Variants in NFIB observed in about 807,000 individuals in gnomAD.
NFIB encodes nuclear factor 1 B-type.
Under a neutral mutation model 61.5 loss-of-function variants are expected in NFIB, and 11 were observed. The ratio of observed to expected loss-of-function variants is 0.18; its 90% CI spans 0.11 to 0.30. The LOEUF is 0.30. Among genes scored for constraint, NFIB ranks in the 10% least tolerant of loss-of-function variants. The probability of loss-of-function intolerance (pLI) is 1.00; values close to 1 mark genes in which losing one functional copy is unlikely to be tolerated. For missense variants in NFIB, 471 were observed against 608.9 expected, an observed-to-expected ratio of 0.77 and a Z score of 2.38; for synonymous variants, 260 against 216.5, an observed-to-expected ratio of 1.20 and a Z score of -1.76.
At chr9:14,306,435 C>T (rs187587733) in intron 2 of NFIB, among the ~76,000 whole-genome samples, 70 of 152,186 alleles carry the variant, frequency 4.6e-4, no homozygotes, top group African/African-American at 1.6e-3. Context: ...AAATCTAGGT[C>T]TACGTAAGAT....
intron 2 of NFIB, among the ~76,000 whole-genome samples, chr9:14,291,789 TCTGA>T (rs1004172845): frequency 8.7e-5 from 13 of 149,760 alleles, no homozygotes; most frequent in Admixed American, 4.0e-4. Context: ...TCTTTAAAAA[TCTGA>T]CTTTCAGTTA....
chr9:14,397,638 G>A (rs185199470), intron 1 of NFIB, among the ~76,000 whole-genome samples: 129 of 152,250 alleles, frequency 8.5e-4, no homozygotes, highest in African/African-American at 3.0e-3. Flanking sequence ...ACCATATGAA[G>A]TCATGCTTAT....
chr9:14,116,225 A>G lies in NFIB; in HGVS notation c.1367T>C (p.Ile456Thr). Residue 456 changes from isoleucine to threonine, a missense_variant, in exon 9 of 11, where the codon ATC becomes ACC. This residue lies in a region of NFIB where 372 missense variants were observed against 395.6 expected (regional missense o/e 0.94). Transcript: ENST00000380953. ...VTLSMTDTKP[I>T]TTSTEAYTAS... ...TGCCTCACCTTCAGTGGATGTAGTG[A>G]TGGGTTTAGTATCTGTCATGCTCAG... 6.6e-7 allele frequency: 1 copy of G among 1,519,606 alleles called. No individual in the cohort carries two copies. The highest frequency in any genetic ancestry group is 1.4e-5 in the African/African-American group (1 of 72,180). The allele number at this position is 1,519,606 out of a possible 1,614,324, so 94.1% of individuals were successfully genotyped here.
chr9:14,272,092 T>C (rs1476301613), intron 2 of NFIB, among the ~76,000 whole-genome samples: 2 of 152,174 alleles, frequency 1.3e-5, no homozygotes, highest in African/African-American at 2.4e-5. Context: ...TGTAACAGTA[T>C]ATCTCGTGAT....
rs528112866 is a variant in NFIB, at chr9:14,129,425, C to A, written c.926-3659G>T. Reference sequence around the variant, plus strand: ...AAGACAAAAAAACAAAAAAAAAACACCCTCTCTAGACTAGAAGGGGAAATA... The same window carrying A: ...AAGACAAAAAAACAAAAAAAAAACAACCTCTCTAGACTAGAAGGGGAAATA... On this transcript the variant is annotated intron_variant, in intron 6 of 10. Transcript: ENST00000380953. Among the ~76,000 whole-genome samples, 13 of 149,224 alleles carry A rather than the reference C, an allele frequency of 8.7e-5. No individual in the cohort carries two copies. The East Asian group carries it at 1.8e-3, about 20-fold the overall frequency.
chr9:14,505,047 C>G, the NFIB span, among the ~76,000 whole-genome samples: 1 of 152,140 alleles, frequency 6.6e-6, no homozygotes, highest in Non-Finnish European at 1.5e-5. Context: ...TAAAGGGACG[C>G]TGGATTATCT....
At chr9:14,321,974 T>G (rs2060671816) in intron 1 of NFIB, 1 of 1,230,846 alleles carries the variant, frequency 8.1e-7, no homozygotes, top group Non-Finnish European at 1.0e-6. Context: ...AAAAGAGATC[T>G]TGAGTCTGTA....
At chr9:14,113,107 G>T in intron 9 of NFIB, 26 bp from the exon 10 acceptor site, 1 of 1,542,230 alleles carries the variant, frequency 6.5e-7, no homozygotes. Flanking sequence ...CAAAAACAAA[G>T]ATAAAAATTG....
At chr9:14,521,662 G>T in the NFIB span, among the ~76,000 whole-genome samples, 2 of 152,132 alleles carry the variant, frequency 1.3e-5, no homozygotes, top group Non-Finnish European at 2.9e-5. Flanking sequence ...CATGCAATTT[G>T]TTCAGTTAAT....
intron 2 of NFIB, among the ~76,000 whole-genome samples, chr9:14,183,622 C>A (rs2047040390): frequency 6.6e-6 from 1 of 152,106 alleles, no homozygotes; most frequent in South Asian, 2.1e-4. Context: ...TCAGGCTGGT[C>A]TTGAACTCCT....
At chr9:14,108,730 A>G (rs1305064593) in intron 10 of NFIB, among the ~76,000 whole-genome samples, 1 of 152,052 alleles carries the variant, frequency 6.6e-6, no homozygotes, top group Non-Finnish European at 1.5e-5. Flanking sequence ...GGAGATTATA[A>G]TTTTGAGATT....
chr9:14,290,333 T>A (rs924521195), intron 2 of NFIB, among the ~76,000 whole-genome samples: 1 of 152,064 alleles, frequency 6.6e-6, no homozygotes, highest in Non-Finnish European at 1.5e-5. Context: ...GGCATAGCAT[T>A]GCCCTTAACT....
intron 2 of NFIB, among the ~76,000 whole-genome samples, chr9:14,241,138 G>A (rs965736383): frequency 6.6e-6 from 1 of 152,144 alleles, no homozygotes; most frequent in South Asian, 2.1e-4. Flanking sequence ...AAATGTATTC[G>A]GCAATTACCT....
At chr9:14,505,258 G>C in the NFIB span, among the ~76,000 whole-genome samples, 1 of 152,146 alleles carries the variant, frequency 6.6e-6, no homozygotes. Flanking sequence ...TGGTCAGCTA[G>C]TATATTGTTG....
chr9:14,530,979 T>C, the NFIB span, among the ~76,000 whole-genome samples: 4 of 152,218 alleles, frequency 2.6e-5, no homozygotes, highest in Non-Finnish European at 5.9e-5. Flanking sequence ...ACGAATTTAA[T>C]AGTCATATGA....
the NFIB span, among the ~76,000 whole-genome samples, chr9:14,457,232 G>C: frequency 6.6e-6 from 1 of 152,144 alleles, no homozygotes; most frequent in Non-Finnish European, 1.5e-5. Context: ...CCAGGGAACA[G>C]GGTGGAAGTT....
At chr9:14,156,575 C>T (rs546731356) in intron 3 of NFIB, among the ~76,000 whole-genome samples, 2 of 152,238 alleles carry the variant, frequency 1.3e-5, no homozygotes, top group South Asian at 2.1e-4. Context: ...GTGGTGAATC[C>T]AGGCCTCTGG....
chr9:14,150,101 A>ATG (rs775382182), intron 5 of NFIB, 44 bp downstream of exon 5: 7 of 1,611,784 alleles, frequency 4.3e-6, no homozygotes, highest in Middle Eastern at 1.7e-4. Context: ...CTACGAACCT[A>ATG]TGTGTGTATC....
the NFIB span, among the ~76,000 whole-genome samples, chr9:14,433,689 A>G: frequency 2.0e-5 from 3 of 152,228 alleles, no homozygotes; most frequent in Non-Finnish European, 2.9e-5. Flanking sequence ...TAATAATTAC[A>G]TGCCCACTAC....
Sources: gnomAD v4.1 joint callset for allele counts (sites outside exome capture counted in the v4.1 genomes callset) on GRCh38, gnomAD v4.1.1 for gene constraint, gnomAD v4.1.1 regional missense constraint, MANE v1.5 for transcripts, NCBI Gene and HGNC (gene_info 2026-07-23, HGNC 2026-07-21) for gene names.